Variants in FRMPD4 observed in about 807,000 individuals in gnomAD.
FRMPD4 encodes the protein FERM and PDZ domain-containing protein 4.
FRMPD4 carries 22 observed loss-of-function variants against 94.1 expected under a neutral mutation model. The observed-to-expected ratio is 0.23, with a 90% CI of 0.17 to 0.33. The LOEUF is 0.33. FRMPD4 is among the 10% of genes least tolerant of loss of function. The pLI is 1.00. For missense variants in FRMPD4, 1,111 were observed against 1,339.9 expected (o/e 0.83, Z 2.67); for synonymous variants, 631 against 548.6 (o/e 1.15, Z -2.10).
chrX:12,044,399 A>G (rs867815198), intron 3 of FRMPD4, among the ~76,000 whole-genome samples: 8 of 112,095 alleles, frequency 7.1e-5, no homozygotes, highest in African/African-American at 2.6e-4. Context: ...TGCTGGTGTC[A>G]GCTTCATTGG....
intron 1 of FRMPD4, among the ~76,000 whole-genome samples, chrX:12,163,462 T>TTA (rs2056059511): frequency 1.5e-5 from 1 of 67,661 alleles, no homozygotes; most frequent in Non-Finnish European, 2.9e-5. Flanking sequence ...TGACCCTTTG[T>TTA]AAAAAAAAAA....
chrX:12,533,459 C>T (rs968828461), intron 2 of FRMPD4, among the ~76,000 whole-genome samples: 5 of 111,658 alleles, frequency 4.5e-5, no homozygotes, highest in Non-Finnish European at 9.4e-5. Flanking sequence ...AACTGGGTAA[C>T]GGGCAGAGGT....
At chrX:12,669,098 G>A (rs1179277238) in intron 4 of FRMPD4, among the ~76,000 whole-genome samples, 4 of 111,678 alleles carry the variant, frequency 3.6e-5, no homozygotes, top group African/African-American at 9.8e-5. Flanking sequence ...GTGACGGGAT[G>A]TCCATCCATC....
At chrX:12,679,453 G>T (rs958261688) in intron 5 of FRMPD4, among the ~76,000 whole-genome samples, 4 of 111,459 alleles carry the variant, frequency 3.6e-5, no homozygotes, top group Admixed American at 1.9e-4. Flanking sequence ...CTTTATCGGG[G>T]GTCAGGGTGG....
rs762189340 is a variant in FRMPD4 at position 12,716,467 on chromosome X, G to C, written c.2008G>C (p.Gly670Arg). 8.3e-7 allele frequency: 1 copy of C among 1,210,491 alleles called. No individual in the cohort carries two copies. Among genetic ancestry groups the C allele is most frequent in the Admixed American group, 2.2e-5 (1 of 45,980 alleles). ...LDDGISPPTL[G>R]YETLLDEGPE... ...TGATGGTATTAGTCCCCCAACCCTTGGCTATGAAACGCTACTAGATGAGGG... is the reference window on the plus strand; with the variant it reads ...TGATGGTATTAGTCCCCCAACCCTTCGCTATGAAACGCTACTAGATGAGGG... Residue 670 changes from glycine (G) to arginine (R), a missense_variant, in exon 15 of 17, where the codon GGC (glycine) becomes CGC (arginine). Physicochemically the swap from Gly to Arg is moderately radical, Grantham distance 125 (BLOSUM62 -2). Transcript: ENST00000675598.
At chrX:12,590,273 T>C (rs1441733659) in intron 2 of FRMPD4, among the ~76,000 whole-genome samples, 3 of 112,387 alleles carry the variant, frequency 2.7e-5, no homozygotes, top group Non-Finnish European at 5.6e-5. Context: ...CTTTAAAAAA[T>C]GCTAATTATC....
At position 12,462,688 on chromosome X, in the gene FRMPD4, A is replaced by T. The variant is rs141627743; in HGVS notation, c.42-35992A>T. On this transcript the variant is annotated intron_variant, in intron 1 of 16. Coordinates refer to ENST00000675598, the MANE Select transcript of FRMPD4 (RefSeq NM_001368397.1). ...GAGTGAAACATTTAAGTATACATCT[A>T]TTAGAAAATCAAACTGCAGGCAAGG... Among the ~76,000 whole-genome samples, 198 of 112,415 alleles carry T rather than the reference A, an allele frequency of 1.8e-3. 2 individuals are homozygous for T. Among genetic ancestry groups the T allele is most frequent in the African/African-American group, 6.0e-3 (185 of 31,000 alleles).
intron 1 of FRMPD4, among the ~76,000 whole-genome samples, chrX:12,427,961 G>T (rs190792297): frequency 1.2e-5 from 1 of 84,929 alleles, no homozygotes; most frequent in African/African-American, 4.7e-5. Context: ...CCACACTGGA[G>T]TGCAGTGGCG....
At chrX:11,964,983 A>G (rs1212125991) in intron 3 of FRMPD4, among the ~76,000 whole-genome samples, 2 of 112,511 alleles carry the variant, frequency 1.8e-5, no homozygotes, top group Non-Finnish European at 3.8e-5. Context: ...GGGCTTTCTC[A>G]CACTACCATT....
At chrX:11,977,126 A>G (rs2054371412) in intron 3 of FRMPD4, among the ~76,000 whole-genome samples, 1 of 112,211 alleles carries the variant, frequency 8.9e-6, no homozygotes, top group Admixed American at 9.4e-5. Context: ...AAAGGCACTT[A>G]GATTGATACA....
intron 1 of FRMPD4, among the ~76,000 whole-genome samples, chrX:12,413,903 G>A (rs1311491925): frequency 1.8e-5 from 2 of 111,791 alleles, no homozygotes; most frequent in Non-Finnish European, 3.8e-5. Context: ...AATCTAAAAG[G>A]CAATATTTCA....
At chrX:11,867,085 G>T (rs1168741707) in intron 2 of FRMPD4, among the ~76,000 whole-genome samples, 1 of 110,984 alleles carries the variant, frequency 9.0e-6, no homozygotes, top group Non-Finnish European at 1.9e-5. Context: ...GTATTGTTCT[G>T]AAAAGCTCTC....
chrX:12,332,431 C>G (rs999310548), intron 1 of FRMPD4, among the ~76,000 whole-genome samples: 3 of 108,819 alleles, frequency 2.8e-5, no homozygotes, highest in African/African-American at 6.7e-5. Context: ...AGTCAAAATA[C>G]AGAAACTGTA....
At chrX:11,915,863 A>G (rs753739894) in intron 3 of FRMPD4, among the ~76,000 whole-genome samples, 117 of 112,011 alleles carry the variant, frequency 1.0e-3, no homozygotes, top group African/African-American at 3.7e-3. Context: ...CAAAATGGGA[A>G]TGATACTCAT....
chrX:12,320,489 G>A (rs772094129), intron 1 of FRMPD4, among the ~76,000 whole-genome samples: 1 of 111,798 alleles, frequency 8.9e-6, no homozygotes, highest in Non-Finnish European at 1.9e-5. Flanking sequence ...ACACATGACC[G>A]AATCGCTGCT....
rs568468391 is a variant in FRMPD4, at chrX:12,085,378, TA to T, written c.95+207367del. On this transcript the variant is annotated intron_variant, in intron 3 of 18. Coordinates refer to the FRMPD4 transcript ENST00000640291. The stretch of plus-strand genomic sequence containing the variant: ...AATAATACCCCTTAATGAATTTTTT[TA>T]AAAAAATAGCTAGATGCAGTGTCTC... Among the ~76,000 whole-genome samples, 16 of 111,054 alleles carry T rather than the reference TA, an allele frequency of 1.4e-4. No homozygotes were observed. In the South Asian group the frequency reaches 6.1e-3, roughly 42 times the overall value.
intron 1 of FRMPD4, among the ~76,000 whole-genome samples, chrX:12,324,136 C>A (rs1049096966): frequency 2.7e-5 from 3 of 112,127 alleles, no homozygotes; most frequent in East Asian, 2.8e-4. Context: ...AAAGAGGGAA[C>A]AAACACTATC....
At chrX:12,569,644 A>G (rs949242724) in intron 2 of FRMPD4, among the ~76,000 whole-genome samples, 11 of 112,756 alleles carry the variant, frequency 9.8e-5, no homozygotes, top group Non-Finnish European at 2.1e-4. Context: ...AGACTAACAC[A>G]TAATTTAATT....
At chrX:12,257,014 G>A (rs1191409241) in intron 1 of FRMPD4, among the ~76,000 whole-genome samples, 1 of 112,148 alleles carries the variant, frequency 8.9e-6, no homozygotes, top group East Asian at 2.8e-4. Context: ...GATGTTCACT[G>A]CCAAACATTA....
Sources: allele counts gnomAD v4.1 joint callset (sites outside exome capture counted in the v4.1 genomes callset), GRCh38; gene constraint gnomAD v4.1.1; transcripts MANE v1.5; gene names NCBI Gene and HGNC (gene_info 2026-07-23, HGNC 2026-07-21).